The following PRKCA variants were observed in gnomAD, a reference collection of about 807,000 sequenced individuals.
PRKCA encodes protein kinase C alpha type.
In PRKCA, 27 loss-of-function variants were observed where a neutral mutation model predicts 87.0. That is an observed-to-expected ratio of 0.31 (90% confidence interval 0.23 to 0.43). The LOEUF is 0.43. Among genes scored for constraint, PRKCA ranks in the 20% least tolerant of loss-of-function variants. PRKCA has a pLI of 1.00. For synonymous variants in PRKCA, 329 were observed against 311.1 expected, an observed-to-expected ratio of 1.06 and a Z score of -0.61; for missense variants, 518 against 852.3, an observed-to-expected ratio of 0.61 and a Z score of 4.88.
chr17:66,304,800 A>G (rs1231995194), intron 1 of PRKCA, among the ~76,000 whole-genome samples: 1 of 152,154 alleles, frequency 6.6e-6, no homozygotes, highest in Non-Finnish European at 1.5e-5. Context: ...TGCTCAAAGG[A>G]GTAGGTAGTC....
intron 2 of PRKCA, chr17:66,306,371 G>A (rs1356248398): frequency 5.1e-6 from 2 of 389,970 alleles, no homozygotes; most frequent in Non-Finnish European, 9.0e-6. Context: ...TTTTTGCCGA[G>A]AACATTCTTG....
intron 2 of PRKCA, among the ~76,000 whole-genome samples, chr17:66,313,936 T>C (rs1249795464): frequency 6.6e-6 from 1 of 152,204 alleles, no homozygotes; most frequent in Non-Finnish European, 1.5e-5. Context: ...TTTTATTCAA[T>C]TGAAAGGAAA....
chr17:66,418,502 C>G (rs943575497), intron 2 of PRKCA, among the ~76,000 whole-genome samples: 1 of 150,244 alleles, frequency 6.7e-6, no homozygotes, highest in African/African-American at 2.5e-5. Context: ...GTGGCGCGAT[C>G]TCAGCTCACT....
intron 5 of PRKCA, among the ~76,000 whole-genome samples, chr17:66,679,190 T>C (rs150343517): frequency 6.6e-4 from 99 of 150,284 alleles, no homozygotes; most frequent in Non-Finnish European, 1.3e-3. Flanking sequence ...TTTTTTTTTT[T>C]TTTTCTTTGA....
At chr17:66,645,532 A>T in intron 5 of PRKCA, 21 bp downstream of exon 5, 2 of 1,613,942 alleles carry the variant, frequency 1.2e-6, no homozygotes, top group Non-Finnish European at 1.7e-6. Flanking sequence ...CTCATCCCGG[A>T]GCAGCATCGT....
chr17:66,568,934 T>A (rs1968980480), intron 3 of PRKCA, among the ~76,000 whole-genome samples: 1 of 152,124 alleles, frequency 6.6e-6, no homozygotes, highest in Admixed American at 6.6e-5. Context: ...AAGCTAAGCC[T>A]TCAGTTGCCA....
intron 2 of PRKCA, among the ~76,000 whole-genome samples, chr17:66,483,690 T>C (rs572936281): frequency 6.6e-6 from 1 of 152,172 alleles, no homozygotes; most frequent in Non-Finnish European, 1.5e-5. Flanking sequence ...CTCAATCTCC[T>C]GACCTCGTGA....
At chr17:66,615,369 G>A (rs1028329968) in intron 3 of PRKCA, among the ~76,000 whole-genome samples, 14 of 152,174 alleles carry the variant, frequency 9.2e-5, no homozygotes, top group Admixed American at 5.9e-4. Flanking sequence ...ATTCTGTGCT[G>A]TAATGGGATT....
At chr17:66,533,152 C>G (rs752668877) in intron 3 of PRKCA, among the ~76,000 whole-genome samples, 2 of 152,214 alleles carry the variant, frequency 1.3e-5, no homozygotes, top group Non-Finnish European at 2.9e-5. Context: ...TCTCCTCTCA[C>G]CAAGTGATAC....
Position 66,302,684 on chromosome 17 carries a change from C to T in PRKCA, c.-168C>T. Reference sequence around the variant, plus strand: ...GCTCCCGCTCCGCGCAGCACCAGCCCGACTCTCCCCGGCCCCCGCCGCGCC... The same window carrying T: ...GCTCCCGCTCCGCGCAGCACCAGCCTGACTCTCCCCGGCCCCCGCCGCGCC... On this transcript the variant is annotated 5_prime_UTR_variant, in exon 1 of 17. Transcript: ENST00000413366. 4.1e-6 allele frequency: 1 copy of T among 241,436 alleles called. No homozygotes were observed. The highest frequency in any genetic ancestry group is 6.6e-6 in the Non-Finnish European group (1 of 151,954). 15.0% of individuals were successfully genotyped at this position (241,436 alleles called of 1,614,324 possible).
At chr17:66,554,943 G>A (rs554563539) in intron 3 of PRKCA, among the ~76,000 whole-genome samples, 22 of 150,296 alleles carry the variant, frequency 1.5e-4, no homozygotes, top group African/African-American at 4.4e-4. Flanking sequence ...GCAGTGGCAC[G>A]ATCTCAGCTC....
At chr17:66,523,009 A>G (rs1299627719) in intron 3 of PRKCA, among the ~76,000 whole-genome samples, 1 of 152,150 alleles carries the variant, frequency 6.6e-6, no homozygotes, top group Non-Finnish European at 1.5e-5. Flanking sequence ...GGTTTCCAAC[A>G]GTATCCAGAG....
chr17:66,713,108 A>G (rs1357695210), intron 8 of PRKCA, among the ~76,000 whole-genome samples: 1 of 140,044 alleles, frequency 7.1e-6, no homozygotes, highest in African/African-American at 2.7e-5. Context: ...CTGGAGCGCA[A>G]TGGTGCAATC....
intron 2 of PRKCA, among the ~76,000 whole-genome samples, chr17:66,337,750 T>C (rs1450595801): frequency 1.3e-5 from 2 of 152,160 alleles, no homozygotes; most frequent in African/African-American, 2.4e-5. Context: ...TTTAATAATA[T>C]ACCTCAATGG....
chr17:66,643,041 C>CA (rs1385335440), intron 4 of PRKCA, among the ~76,000 whole-genome samples: 1 of 151,836 alleles, frequency 6.6e-6, no homozygotes, highest in Non-Finnish European at 1.5e-5. Context: ...AACTCGGTCT[C>CA]AAAAAACTAG....
At chr17:66,640,103 T>G (rs1332016936) in intron 3 of PRKCA, among the ~76,000 whole-genome samples, 2 of 152,176 alleles carry the variant, frequency 1.3e-5, no homozygotes, top group African/African-American at 2.4e-5. Flanking sequence ...GATACGGCAC[T>G]CTTCTAAGCA....
At chr17:66,536,623 C>T (rs2143089678) in intron 3 of PRKCA, among the ~76,000 whole-genome samples, 2 of 152,308 alleles carry the variant, frequency 1.3e-5, no homozygotes, top group East Asian at 3.9e-4. Context: ...AGGGGGGATG[C>T]TGCTGTTGAT....
intron 3 of PRKCA, among the ~76,000 whole-genome samples, chr17:66,519,986 G>C (rs979102263): frequency 1.3e-5 from 2 of 152,116 alleles, no homozygotes; most frequent in African/African-American, 4.8e-5. Flanking sequence ...GGAGAAGGTG[G>C]CTTTTGGATT....
chr17:66,659,372 T>C (rs1284949823), intron 5 of PRKCA, among the ~76,000 whole-genome samples: 2 of 152,150 alleles, frequency 1.3e-5, no homozygotes, highest in Admixed American at 1.3e-4. Flanking sequence ...ACTCACCTTC[T>C]TCCTCCTCCT....
Sources: allele counts gnomAD v4.1 joint callset (sites outside exome capture counted in the v4.1 genomes callset), GRCh38; gene constraint gnomAD v4.1.1; transcripts MANE v1.5; gene names NCBI Gene and HGNC (gene_info 2026-07-23, HGNC 2026-07-21).